The following PIK3CB variants were observed in gnomAD, a reference collection of about 807,000 sequenced individuals.
PIK3CB encodes the protein phosphatidylinositol-4,5-bisphosphate 3-kinase catalytic subunit beta, also known as phosphatidylinositol 4,5-bisphosphate 3-kinase catalytic subunit beta isoform.
PIK3CB carries 39 observed loss-of-function variants against 136.8 expected under a neutral mutation model. The observed-to-expected ratio is 0.29, with a 90% CI of 0.22 to 0.37. The LOEUF (loss-of-function observed/expected upper bound fraction) is 0.37. Ranked by LOEUF, PIK3CB falls within the 10% of genes least tolerant of loss-of-function variation. The pLI, the probability that PIK3CB is intolerant of heterozygous loss-of-function variation, is 1.00. For synonymous variants in PIK3CB, 428 were observed against 436.6 expected (o/e 0.98, Z 0.25); for missense variants, 868 against 1,275.4 (o/e 0.68, Z 4.87).
Position 138,665,254 on chromosome 3 carries a change from T to C in PIK3CB, c.2505-51A>G, listed in dbSNP as rs150540091. 4.2e-5 allele frequency: 57 copies of C among 1,347,146 alleles called. 2 individuals are homozygous for C. In the East Asian group the frequency reaches 1.2e-3, roughly 29 times the overall value. 83.4% of individuals were successfully genotyped at this position (1,347,146 alleles called of 1,614,324 possible). A position where few individuals can be genotyped will look rare whatever the true frequency, so the allele number is the denominator to read the frequency against. On this transcript the variant is annotated intron_variant, in intron 19 of 23. Coordinates refer to ENST00000674063, the MANE Select transcript of PIK3CB (RefSeq NM_006219.3). ...GTCATATTTTCCTTAAAATGAAACA[T>C]TAATTTGGTAAGATTTTCCCTTTAC...
At chr3:138,718,681 T>A (rs1028872650) in intron 8 of PIK3CB, among the ~76,000 whole-genome samples, 2 of 152,216 alleles carry the variant, frequency 1.3e-5, no homozygotes, top group African/African-American at 4.8e-5. Flanking sequence ...AAGTGTACAT[T>A]TACATTAAGT....
chr3:138,675,067 C>A (rs2043616826), intron 19 of PIK3CB, among the ~76,000 whole-genome samples: 1 of 151,842 alleles, frequency 6.6e-6, no homozygotes, highest in South Asian at 2.1e-4. Flanking sequence ...CAAAACAAAA[C>A]AAAACAAAAC....
In PIK3CB at chr3:138,698,894, G is replaced by C. The variant is rs565589643; in HGVS notation, c.1770+13C>G. 1.3e-5 allele frequency: 20 copies of C among 1,561,196 alleles called. No homozygotes were observed. The highest frequency in any genetic ancestry group is 1.7e-5 in the Admixed American group (1 of 58,774). The stretch of plus-strand genomic sequence containing the variant: ...TACACCCAAAAAAAGTTATAGAAAC[G>C]ATCTTTTGTTACCTGAGCAACATCC... On this transcript the variant is annotated intron_variant, in intron 13 of 23. Coordinates refer to ENST00000674063, the MANE Select transcript of PIK3CB (RefSeq NM_006219.3).
chr3:138,753,810 AG>A (rs1260543644), intron 4 of PIK3CB, among the ~76,000 whole-genome samples: 58 of 152,286 alleles, frequency 3.8e-4, no homozygotes, highest in African/African-American at 1.3e-3. Flanking sequence ...TATTTAAAAA[AG>A]AAAAAAAAAT....
chr3:138,655,579 A>G, intron 23 of PIK3CB, 53 bp from the exon 24 acceptor site: 3 of 1,444,698 alleles, frequency 2.1e-6, no homozygotes, highest in Non-Finnish European at 2.9e-6. Context: ...AGAGATGTGC[A>G]AATATCAAAG....
rs762092388 is a variant in PIK3CB at position 138,759,354 on chromosome 3, G to A, written c.-11C>T. The A allele has an allele frequency of 1.5e-4, 236 of 1,594,208 alleles. No individual in the cohort carries two copies. The highest frequency in any genetic ancestry group is 1.9e-4 in the Non-Finnish European group (226 of 1,166,590). On this transcript the variant is annotated 5_prime_UTR_variant, in exon 3 of 24. Coordinates refer to ENST00000674063, the MANE Select transcript of PIK3CB (RefSeq NM_006219.3). ...GAAACTGAAGCACATTCATAACCAC[G>A]GGGCCCTAGAAATCAGTAATTAAAA...
intron 8 of PIK3CB, among the ~76,000 whole-genome samples, chr3:138,716,960 AAAAGT>A (rs1420228155): frequency 6.6e-6 from 1 of 151,246 alleles, no homozygotes; most frequent in Non-Finnish European, 1.5e-5. Context: ...GAATACAAAT[AAAAGT>A]AGTTTACAGG....
At chr3:138,792,444 G>A (rs1404616975) in intron 2 of PIK3CB, among the ~76,000 whole-genome samples, 1 of 152,080 alleles carries the variant, frequency 6.6e-6, no homozygotes, top group African/African-American at 2.4e-5. Flanking sequence ...TAGGATCTGG[G>A]CTCACTGCAG....
At chr3:138,742,988 A>G (rs1304203868) in intron 4 of PIK3CB, among the ~76,000 whole-genome samples, 1 of 152,202 alleles carries the variant, frequency 6.6e-6, no homozygotes, top group Non-Finnish European at 1.5e-5. Context: ...ACAAACATAC[A>G]ATTATATTTT....
chr3:138,696,327 AAC>A (rs1234504030), intron 13 of PIK3CB, among the ~76,000 whole-genome samples: 1 of 149,976 alleles, frequency 6.7e-6, no homozygotes, highest in Non-Finnish European at 1.5e-5. Flanking sequence ...GGACTACAGG[AAC>A]ACGCCACCAT....
At chr3:138,693,115 G>C (rs9864176) in intron 14 of PIK3CB, among the ~76,000 whole-genome samples, 74,592 of 151,968 alleles carry the variant, frequency 0.49, 20,793 homozygotes, top group East Asian at 0.98. Context: ...TATTTTTTGA[G>C]ACAGGGTCTC....
rs534632828 is a variant in PIK3CB at position 138,682,299 on chromosome 3, G to A, written c.2426-254C>T. 2.6e-5 allele frequency among the ~76,000 whole-genome samples: 4 copies of A among 152,260 alleles called. No individual in the cohort carries two copies. The South Asian group carries it at 8.3e-4, about 32-fold the overall frequency. ...CCTATTGAATATAAGCATAGCTTCGGAGAACTTTTAAGATTTTCCTTCCTT... is the reference window on the plus strand; with the variant it reads ...CCTATTGAATATAAGCATAGCTTCGAAGAACTTTTAAGATTTTCCTTCCTT... On this transcript the variant is annotated intron_variant, in intron 18 of 23. Coordinates refer to ENST00000674063, the MANE Select transcript of PIK3CB (RefSeq NM_006219.3).
chr3:138,791,637 A>G (rs1489802001), intron 2 of PIK3CB, among the ~76,000 whole-genome samples: 5 of 152,124 alleles, frequency 3.3e-5, no homozygotes, highest in Non-Finnish European at 5.9e-5. Flanking sequence ...ACTTACTTCA[A>G]TGCAGCCACT....
intron 4 of PIK3CB, among the ~76,000 whole-genome samples, chr3:138,749,950 T>C (rs1436634321): frequency 6.6e-6 from 1 of 152,226 alleles, no homozygotes; most frequent in Non-Finnish European, 1.5e-5. Context: ...CACAGCTCAC[T>C]GGAGCCTCAA....
intron 4 of PIK3CB, among the ~76,000 whole-genome samples, chr3:138,746,694 A>G (rs1036113512): frequency 6.6e-6 from 1 of 151,800 alleles, no homozygotes; most frequent in Non-Finnish European, 1.5e-5. Context: ...AAAAATAAAA[A>G]TAAATAAAAA....
Position 138,656,133 on chromosome 3 carries a change from G to A in PIK3CB, c.3075+9C>T. 1 of 1,613,838 alleles carries A rather than the reference G, an allele frequency of 6.2e-7. No individual in the cohort carries two copies. Among genetic ancestry groups the A allele is most frequent in the Non-Finnish European group, 8.5e-7 (1 of 1,179,852 alleles). On this transcript the variant is annotated intron_variant, in intron 23 of 23. Coordinates refer to ENST00000674063, the MANE Select transcript of PIK3CB (RefSeq NM_006219.3). Reference sequence around the variant, plus strand: ...AAAGTCCAAGAGAGAAGGAAAAGTGGTTTTATACCTTAAGATACTGTATAT... The same window carrying A: ...AAAGTCCAAGAGAGAAGGAAAAGTGATTTTATACCTTAAGATACTGTATAT...
chr3:138,736,443 C>G (rs140031553), intron 6 of PIK3CB, among the ~76,000 whole-genome samples: 1 of 152,272 alleles, frequency 6.6e-6, no homozygotes, highest in African/African-American at 2.4e-5. Flanking sequence ...TAAACAACAA[C>G]AACAATAATA....
chr3:138,728,685 C>A lies in PIK3CB; in HGVS notation c.1050+4676G>T, dbSNP rs1000904007. Among the ~76,000 whole-genome samples the A allele has an allele frequency of 7.9e-5, 12 of 151,414 alleles. No individual in the cohort carries two copies. The East Asian group carries it at 2.3e-3, about 30-fold the overall frequency. On this transcript the variant is annotated intron_variant, in intron 8 of 23. Coordinates refer to ENST00000674063, the MANE Select transcript of PIK3CB (RefSeq NM_006219.3). ...GTCCCAGCTACTCAGGAGGCTGAGGCAGGAGAATGGCATGAACCCGGGAGG... is the reference window on the plus strand; with the variant it reads ...GTCCCAGCTACTCAGGAGGCTGAGGAAGGAGAATGGCATGAACCCGGGAGG...
intron 8 of PIK3CB, among the ~76,000 whole-genome samples, chr3:138,725,758 T>C (rs2044823184): frequency 6.6e-6 from 1 of 152,228 alleles, no homozygotes; most frequent in African/African-American, 2.4e-5. Flanking sequence ...GATTTGCCCT[T>C]AGTTGTTATA....
Sources: gnomAD v4.1 joint callset for allele counts (sites outside exome capture counted in the v4.1 genomes callset) on GRCh38, gnomAD v4.1.1 for gene constraint, MANE v1.5 for transcripts, NCBI Gene and HGNC (gene_info 2026-07-23, HGNC 2026-07-21) for gene names.